The following TP73 variants were observed in gnomAD, a reference collection of about 807,000 sequenced individuals.
The protein encoded by TP73 is tumor protein p73, also known as p53-like transcription factor.
Under a neutral mutation model 62.5 loss-of-function variants are expected in TP73, and 25 were observed. The observed-to-expected ratio is 0.40, with a 90% CI of 0.29 to 0.56. The LOEUF is 0.56. Among genes scored for constraint, TP73 ranks in the 20% least tolerant of loss-of-function variants. TP73 has a pLI of 0.46. For synonymous variants in TP73, 423 were observed against 377.5 expected, an observed-to-expected ratio of 1.12 and a Z score of -1.40; for missense variants, 754 against 913.3, an observed-to-expected ratio of 0.83 and a Z score of 2.25.
chr1:3,718,948 C>G (rs1371953463), intron 4 of TP73, among the ~76,000 whole-genome samples: 1 of 152,184 alleles, frequency 6.6e-6, no homozygotes, highest in Non-Finnish European at 1.5e-5. Flanking sequence ...CTGCAGGCCA[C>G]TGTGTTCCCA....
chr1:3,674,457 C>T (rs1050649713), intron 1 of TP73, among the ~76,000 whole-genome samples: 3 of 152,244 alleles, frequency 2.0e-5, no homozygotes, highest in African/African-American at 4.8e-5. Context: ...CCATCTGTGG[C>T]GGTGAGGGGG....
intron 5 of TP73, among the ~76,000 whole-genome samples, chr1:3,722,480 C>A (rs1427906872): frequency 6.6e-6 from 1 of 152,224 alleles, no homozygotes; most frequent in African/African-American, 2.4e-5. Context: ...GAGTCATAGC[C>A]CCTCTCTCCA....
chr1:3,731,459 G>A lies in TP73; in HGVS notation c.1485-4G>A. The A allele has an allele frequency of 1.2e-6, 2 of 1,613,318 alleles. No individual in the cohort carries two copies. The highest frequency in any genetic ancestry group is 1.7e-6 in the Non-Finnish European group (2 of 1,179,776). ...CTGCTTCCTTTCTCAAATTCTCTCT[G>A]CAGTTTTTTAACAGGATTGGGGTGT... is the stretch of plus-strand genomic sequence containing the variant. On this transcript the variant is annotated splice_polypyrimidine_tract_variant and splice_region_variant and intron_variant, in intron 12 of 13. Transcript: ENST00000378295.
At position 3,714,554 on chromosome 1, in the gene TP73, C is replaced by G. The variant is rs577413635; in HGVS notation, c.429+6763C>G. Among the ~76,000 whole-genome samples, 62 of 152,348 alleles carry G rather than the reference C, an allele frequency of 4.1e-4. No individual in the cohort carries two copies. The Middle Eastern group carries it at 0.014, about 34-fold the overall frequency. ...CCTGTTGCCAGCCTGCTGGGCCCCTCGTGGGACAGCTCCAGGGCCTGGCCC... is the reference window on the plus strand; with the variant it reads ...CCTGTTGCCAGCCTGCTGGGCCCCTGGTGGGACAGCTCCAGGGCCTGGCCC... On this transcript the variant is annotated intron_variant, in intron 4 of 13. Coordinates refer to ENST00000378295, the MANE Select transcript of TP73 (RefSeq NM_005427.4).
chr1:3,723,246 GGGGCTGGGCACCCTTTGAACCCGGCACA>G (rs942651362), intron 5 of TP73, 80 bp from the exon 6 acceptor site: 25 of 829,534 alleles, frequency 3.0e-5, no homozygotes, highest in Non-Finnish European at 3.8e-5. Flanking sequence ...CACCTGACAT[GGGGCTGGGCACCCTTTGAACCCGGCACA>G]GGGCTGGGCA....
Position 3,663,921 on chromosome 1 carries a change from A to G in TP73, c.-34+11280A>G, listed in dbSNP as rs1358989321. ...CTGGCTTCTCAGATGCCACCGTGCC[A>G]GGTTTTGGGGTAGTGGTATGTCTTG... On this transcript the variant is annotated intron_variant, in intron 1 of 13. Coordinates refer to ENST00000378295, the MANE Select transcript of TP73 (RefSeq NM_005427.4). The surrounding 1 kb of genome is among the most constrained non-coding windows in gnomAD (Gnocchi z 4.7). 6.6e-6 allele frequency among the ~76,000 whole-genome samples: 1 copy of G among 152,110 alleles called. No homozygotes were observed. The highest frequency in any genetic ancestry group is 2.4e-5 in the African/African-American group (1 of 41,434).
chr1:3,682,963 A>G, intron 2 of TP73, 97 bp from the exon 3 acceptor site: 1 of 1,480,502 alleles, frequency 6.8e-7, no homozygotes, highest in African/African-American at 1.4e-5. Context: ...AGGCCTCACC[A>G]GGAGTCTCAG....
chr1:3,718,228 G>GGGCAT (rs1468658520), intron 4 of TP73, among the ~76,000 whole-genome samples: 1 of 152,140 alleles, frequency 6.6e-6, no homozygotes, highest in Non-Finnish European at 1.5e-5. Context: ...GGGCGGGGCG[G>GGGCAT]GGCATCCACA....
chr1:3,719,813 G>A (rs972872914), intron 4 of TP73, among the ~76,000 whole-genome samples: 3 of 152,160 alleles, frequency 2.0e-5, no homozygotes, highest in East Asian at 1.9e-4. Context: ...CTGCAGCTCC[G>A]ACAGTCCAGG....
rs996147685 is a variant in TP73 at position 3,733,481 on chromosome 1, T to C, written c.*402T>C. The C allele has an allele frequency of 4.0e-6, 1 of 250,220 alleles. No homozygotes were observed. The allele number at this position is 250,220 out of a possible 1,614,324, so 15.5% of individuals were successfully genotyped here. A position where few individuals can be genotyped will look rare whatever the true frequency, so the allele number is the denominator to read the frequency against. On this transcript the variant is annotated 3_prime_UTR_variant, in exon 14 of 14. Transcript: ENST00000378295. ...TCCTTCCAAAGGAAAGGATCCTCTT[T>C]GCTGATGGACTGCCAAAAAGTATTT... is the stretch of plus-strand genomic sequence containing the variant.
In TP73 at chr1:3,733,166, G is replaced by T; in HGVS notation, c.*87G>T. On this transcript the variant is annotated 3_prime_UTR_variant, in exon 14 of 14. Transcript: ENST00000378295. The stretch of plus-strand genomic sequence containing the variant: ...TCCTGTGTGTCCAAAACTGCCTCAG[G>T]AGGCAGGACCTTCGGGCTGTGCCCG... 7.2e-7 allele frequency: 1 copy of T among 1,393,318 alleles called. No homozygotes were observed. The highest frequency in any genetic ancestry group is 2.5e-5 in the East Asian group (1 of 39,716). The allele number at this position is 1,393,318 out of a possible 1,614,324, so 86.3% of individuals were successfully genotyped here.
rs1414301751 is a variant in TP73, at chr1:3,726,636, ATGGGG to A, written c.733-475_733-471del. Among the ~76,000 whole-genome samples the A allele has an allele frequency of 1.0e-4, 11 of 110,080 alleles. No individual in the cohort carries two copies. The East Asian group carries it at 3.1e-3, about 31-fold the overall frequency. 72.2% of individuals were successfully genotyped at this position (110,080 alleles called of 152,430 possible). On this transcript the variant is annotated intron_variant, in intron 6 of 13. Transcript: ENST00000378295. ...CATGGATAGACGGGTGGGTGGATGG[ATGGGG>A]TGGATGGATGGATGGATTGATTGAT...
intron 3 of TP73, among the ~76,000 whole-genome samples, chr1:3,692,387 G>A (rs1353879495): frequency 6.6e-6 from 1 of 152,184 alleles, no homozygotes; most frequent in Non-Finnish European, 1.5e-5. Flanking sequence ...CTCTCCACAC[G>A]CCTGCGTGAT....
intron 6 of TP73, 43 bp from the exon 7 acceptor site, chr1:3,727,072 T>A (rs1477697235): frequency 6.4e-7 from 1 of 1,563,018 alleles, no homozygotes; most frequent in Non-Finnish European, 8.8e-7. Context: ...GGATTGGGGC[T>A]GCGTGCTGAT....
In TP73 at chr1:3,722,185, G is replaced by A; in HGVS notation, c.594G>A (p.Glu198=). The A allele has an allele frequency of 6.2e-7, 1 of 1,612,604 alleles. No homozygotes were observed. ...TDVVKRCPNH[E]LGRDFNEGQS... is the part of the protein sequence containing the mutation. Reference sequence around the variant, plus strand: ...TCGTGAAACGCTGCCCCAACCACGAGCTCGGGAGGGACTTCAACGAAGGTG... The same window carrying A: ...TCGTGAAACGCTGCCCCAACCACGAACTCGGGAGGGACTTCAACGAAGGTG... Residue 198 remains glutamate, a synonymous_variant, in exon 5 of 14, where the codon GAG becomes GAA. Transcript: ENST00000378295.
intron 3 of TP73, among the ~76,000 whole-genome samples, chr1:3,707,042 G>A (rs112831737): frequency 2.0e-5 from 3 of 152,204 alleles, no homozygotes; most frequent in Non-Finnish European, 2.9e-5. Context: ...GTGAGAGCCC[G>A]GATCTGGTCT....
intron 8 of TP73, 72 bp downstream of exon 8, chr1:3,727,842 G>A (rs2124522200): frequency 6.9e-7 from 1 of 1,456,234 alleles, no homozygotes; most frequent in African/African-American, 1.4e-5. Context: ...CACAATGTGA[G>A]CCCGCGTCCC....
intron 4 of TP73, among the ~76,000 whole-genome samples, chr1:3,717,006 T>C (rs1377272808): frequency 6.6e-6 from 1 of 152,034 alleles, no homozygotes; most frequent in Non-Finnish European, 1.5e-5. Flanking sequence ...AAAAAAATCG[T>C]TTAAAAAATA....
chr1:3,702,265 A>G (rs1361491452), intron 3 of TP73, among the ~76,000 whole-genome samples: 1 of 151,854 alleles, frequency 6.6e-6, no homozygotes, highest in Non-Finnish European at 1.5e-5. Flanking sequence ...GGCAGGCGGG[A>G]CCCTCCACAG....
Sources: gnomAD v4.1 joint callset for allele counts (sites outside exome capture counted in the v4.1 genomes callset) on GRCh38, gnomAD v4.1.1 for gene constraint, Gnocchi (gnomAD v3.1) non-coding constraint, MANE v1.5 for transcripts, NCBI Gene and HGNC (gene_info 2026-07-23, HGNC 2026-07-21) for gene names.